Variants in TTN observed in about 807,000 individuals in gnomAD.
The protein encoded by TTN is connectin.
TTN carries 1,525 observed loss-of-function variants against 3,223.0 expected under a neutral mutation model. That is an observed-to-expected ratio of 0.47 (90% confidence interval 0.45 to 0.49). The LOEUF (loss-of-function observed/expected upper bound fraction) is 0.49, where lower values mean the gene tolerates loss of function less well. Among genes scored for constraint, TTN ranks in the 20% least tolerant of loss-of-function variants. The pLI is 0.00. For synonymous variants in TTN, 14,094 were observed against 15,161.0 expected, an observed-to-expected ratio of 0.93 and a Z score of 5.17; for missense variants, 40,786 against 43,424.0, an observed-to-expected ratio of 0.94 and a Z score of 5.40.
Position 178,715,694 on chromosome 2 carries a change from C to T in TTN, c.25720G>A (p.Gly8574Ser), listed in dbSNP as rs752013701. 5.6e-6 allele frequency: 9 copies of T among 1,609,772 alleles called. No individual in the cohort carries two copies. The African/African-American group carries it at 6.7e-5, about 12-fold the overall frequency. Reference protein sequence around the residue: ...DEFTRYECKIGGSPEIKVLWY... With the variant: ...DEFTRYECKISGSPEIKVLWY... ...AAAACTTTGATTTCTGGAGACCCAC[C>T]GATTTTGCATTCATACCTTGTGAAT... Residue 8574 changes from glycine (G) to serine (S), a missense_variant, in exon 89 of 363, where the codon GGT (glycine) becomes AGT (serine). Physicochemically the swap from Gly to Ser is moderately conservative, Grantham distance 56. Transcript: ENST00000589042.
At chr2:178,786,340 T>C (rs563438368) in intron 13 of TTN, among the ~76,000 whole-genome samples, 199 bp from the exon 14 acceptor site, 3 of 152,196 alleles carry the variant, frequency 2.0e-5, no homozygotes, top group Non-Finnish European at 2.9e-5. Context: ...ATACTCTCTG[T>C]ACACCTACTT....
Position 178,541,363 on chromosome 2 carries a change from G to A in TTN, c.97714C>T (p.His32572Tyr). Residue 32572 changes from histidine to tyrosine, a missense_variant, in exon 350 of 363, where the codon CAC becomes TAC. Physicochemically the swap from His to Tyr is moderately conservative, Grantham distance 83 (BLOSUM62 2). Transcript: ENST00000589042. ...CTTGCATTAATGGCTGTGACACGGT[G>A]TTCATATTCTAAGCCTTCAGTAAGG... is the stretch of plus-strand genomic sequence containing the variant. ...TGLTEGLEYE[H>Y]RVTAINARGS... 6.2e-7 allele frequency: 1 copy of A among 1,602,026 alleles called. No homozygotes were observed. The highest frequency in any genetic ancestry group is 1.1e-5 in the South Asian group (1 of 88,994).
Position 178,629,496 on chromosome 2 carries a change from GAATA to G in TTN, c.44282-57_44282-54del, listed in dbSNP as rs1013569859. On this transcript the variant is annotated intron_variant, in intron 239 of 362. Coordinates refer to ENST00000589042, the MANE Select transcript of TTN (RefSeq NM_001267550.2). ...CGTTACTCATTTTGTAATCCCAAAA[GAATA>G]AATAGAGACTTAGATATGAATCTTC... The G allele has an allele frequency of 5.6e-6, 9 of 1,607,094 alleles. No individual in the cohort carries two copies. In the African/African-American group the frequency reaches 6.7e-5, roughly 12 times the overall value.
Position 178,573,387 on chromosome 2 carries a change from C to G in TTN, c.72745G>C (p.Asp24249His). 2.6e-6 allele frequency: 4 copies of G among 1,524,520 alleles called. No individual in the cohort carries two copies. Among genetic ancestry groups the G allele is most frequent in the Non-Finnish European group, 3.5e-6 (4 of 1,137,430 alleles). 94.4% of individuals were successfully genotyped at this position (1,524,520 alleles called of 1,614,324 possible). Residue 24249 changes from aspartate to histidine, a missense_variant, in exon 326 of 363, where the codon GAT becomes CAT. By Grantham distance (81) the Asp-to-His change is moderately conservative. Transcript: ENST00000589042. ...MVVCWGHPDS[D>H]GGSEIINYIV... The stretch of plus-strand genomic sequence containing the variant: ...TAATTGATGATTTCACTTCCACCAT[C>G]AGAATCAGGATGTCCCCAGCAGACA...
Position 178,720,145 on chromosome 2 carries a change from CTCTA to C in TTN, c.23493_23496del (p.Asp7831GlufsTer45). On this transcript the variant is annotated frameshift_variant, in exon 81 of 363. Transcript: ENST00000589042. LOFTEE classifies it high-confidence loss of function. ...TTTTCACTCTCTCTGATGACTTCAC[CTCTA>C]TCTTTCAGCCAGACAACAGAAATTG... 1 of 1,613,754 alleles carries C rather than the reference CTCTA, an allele frequency of 6.2e-7. No homozygotes were observed. Among genetic ancestry groups the C allele is most frequent in the Non-Finnish European group, 8.5e-7 (1 of 1,179,714 alleles).
chr2:178,704,530 C>G lies in TTN; in HGVS notation c.29942G>C (p.Ser9981Thr). ...CTTACCAATTACAGTTAGTTTAGCG[C>G]TAGCGATGTGTGGACCACAAACCAA... ...YRLVCGPHIA[S>T]AKLTVIEPAW... Residue 9981 changes from serine to threonine, a missense_variant, in exon 105 of 363, where the codon AGC (serine) becomes ACC (threonine). Coordinates refer to ENST00000589042, the MANE Select transcript of TTN (RefSeq NM_001267550.2). The G allele has an allele frequency of 6.2e-7, 1 of 1,610,852 alleles. No individual in the cohort carries two copies. The highest frequency in any genetic ancestry group is 1.3e-5 in the African/African-American group (1 of 74,884).
rs2046893409 is a variant in TTN, at chr2:178,578,254, A to G, written c.68330-69T>C. The G allele has an allele frequency of 3.0e-6, 4 of 1,319,378 alleles. No individual in the cohort carries two copies. In the Admixed American group the frequency reaches 8.6e-5, roughly 28 times the overall value. The allele number at this position is 1,319,378 out of a possible 1,614,324, so 81.7% of individuals were successfully genotyped here. ...TTTTACAATATATATGTGTTGCCCA[A>G]ATTATTTATACATATCCATATATAT... On this transcript the variant is annotated intron_variant, in intron 321 of 362. Transcript: ENST00000589042.
rs1560086892 is a variant in TTN, at chr2:178,650,214, T to A, written c.39767A>T (p.Lys13256Met). 2 of 1,597,468 alleles carry A rather than the reference T, an allele frequency of 1.3e-6. No homozygotes were observed. ...CTCCTCTTCTGCAACAGGAACTGGC[T>A]TTTCCTCTTCAGGAGCAATTTCCTC... is the stretch of plus-strand genomic sequence containing the variant. ...PEEEIAPEEE[K>M]PVPVAEEEEP... The change falls in exon 210 of 363, where the codon AAG becomes ATG. Residue 13256 changes from lysine to methionine, a missense_variant. Lys to Met is a moderately conservative substitution (Grantham distance 95). Transcript: ENST00000589042.
chr2:178,595,886 G>A (rs2051438170), intron 294 of TTN, 77 bp from the exon 295 acceptor site: 2 of 1,413,942 alleles, frequency 1.4e-6, no homozygotes, highest in African/African-American at 1.5e-5. Context: ...TTTTTAAAAG[G>A]AGACAAAAAT....
intron 282 of TTN, among the ~76,000 whole-genome samples, chr2:178,603,405 T>C (rs954061115): frequency 4.6e-5 from 7 of 152,020 alleles, no homozygotes; most frequent in African/African-American, 9.7e-5. Context: ...AATTTTTCTC[T>C]CTTATTTGAC....
chr2:178,803,477 AG>A (rs2094164145), intron 2 of TTN, among the ~76,000 whole-genome samples: 1 of 151,772 alleles, frequency 6.6e-6, no homozygotes, highest in Non-Finnish European at 1.5e-5. Context: ...ACCAATGAAA[AG>A]GGAATTTCAT....
intron 13 of TTN, among the ~76,000 whole-genome samples, chr2:178,787,964 G>C (rs11887915): frequency 0.016 from 2,493 of 152,116 alleles, 69 homozygotes; most frequent in East Asian, 0.13. Context: ...AAATTTAGGA[G>C]ACATAAAGAA....
rs200193877 is a variant in TTN at position 178,554,139 on chromosome 2, T to C, written c.88972A>G (p.Ile29658Val). The change falls in exon 333 of 363, where the codon ATT (isoleucine) becomes GTT (valine). Residue 29658 changes from isoleucine to valine, a missense_variant. Ile to Val is a conservative substitution (Grantham distance 29, BLOSUM62 3). Coordinates refer to ENST00000589042, the MANE Select transcript of TTN (RefSeq NM_001267550.2). ...NSMTVVWSRP[I>V]ADGGSDISGY... ...CTTATATCACTACCGCCATCTGCAA[T>C]TGGCCTGCTCCATACAACAGTCATC... The C allele has an allele frequency of 4.6e-4, 740 of 1,613,870 alleles. 1 individual carries two copies. Among genetic ancestry groups the C allele is most frequent in the Non-Finnish European group, 5.7e-4 (671 of 1,179,814 alleles).
At chr2:178,720,299 G>T (rs770558512) in intron 80 of TTN, 35 bp from the exon 81 acceptor site, 9 of 1,596,772 alleles carry the variant, frequency 5.6e-6, no homozygotes, top group Non-Finnish European at 6.8e-6. Flanking sequence ...AGGAAAAAAT[G>T]TGAGAATCAT....
rs2092025923 is a variant in TTN, at chr2:178,774,925, A to G, written c.6786T>C (p.Val2262=). ...ENVKTTAKLI[V]EGAVVEFVKE... is the part of the protein sequence containing the mutation. Reference sequence around the variant, plus strand: ...AAATCCTTCGTTGTTGAATACCTTCAACAATAAGTTTAGCAGTCGTTTTGA... The same window carrying G: ...AAATCCTTCGTTGTTGAATACCTTCGACAATAAGTTTAGCAGTCGTTTTGA... Residue 2262 remains valine, a synonymous_variant, in exon 29 of 363, where the codon GTT becomes GTC. Coordinates refer to ENST00000589042, the MANE Select transcript of TTN (RefSeq NM_001267550.2). 1 of 1,613,534 alleles carries G rather than the reference A, an allele frequency of 6.2e-7. No individual in the cohort carries two copies. Among genetic ancestry groups the G allele is most frequent in the Non-Finnish European group, 8.5e-7 (1 of 1,179,838 alleles).
intron 162 of TTN, 126 bp from the exon 163 acceptor site, chr2:178,667,027 C>T (rs1442078199): frequency 2.5e-5 from 24 of 946,496 alleles, no homozygotes; most frequent in Non-Finnish European, 3.5e-5. Context: ...TATTTTTGTT[C>T]TAATATTTTA....
chr2:178,642,009 A>G (rs1471963422), intron 219 of TTN, among the ~76,000 whole-genome samples: 1 of 151,740 alleles, frequency 6.6e-6, no homozygotes, highest in African/African-American at 2.4e-5. Context: ...GTCTATTAAC[A>G]TTTTAAATTT....
intron 159 of TTN, 100 bp from the exon 160 acceptor site, chr2:178,667,821 A>G: frequency 2.3e-6 from 2 of 859,386 alleles, no homozygotes; most frequent in South Asian, 3.8e-5. Flanking sequence ...CATCACCAAA[A>G]TTAATAGTAG....
Position 178,576,668 on chromosome 2 carries a change from T to C in TTN, c.69576A>G (p.Thr23192=), listed in dbSNP as rs1237171953. The change falls in exon 325 of 363, where the codon ACA becomes ACG. Residue 23192 remains threonine, a synonymous_variant. Transcript: ENST00000589042. This position sits in a 1 kb window ranked among gnomAD's most constrained non-coding sequence, Gnocchi z 4.3. ...KSLRWVRAIK[T]PVSDLRCKVT... The stretch of plus-strand genomic sequence containing the variant: ...CTTTGCACCTGAGATCGGAAACTGG[T>C]GTTTTTATTGCTCTCACCCATCGCA... 1 of 1,613,464 alleles carries C rather than the reference T, an allele frequency of 6.2e-7. No individual in the cohort carries two copies. The highest frequency in any genetic ancestry group is 8.5e-7 in the Non-Finnish European group (1 of 1,179,644).
Sources: gnomAD v4.1 joint callset for allele counts (sites outside exome capture counted in the v4.1 genomes callset) on GRCh38, gnomAD v4.1.1 for gene constraint, Gnocchi (gnomAD v3.1) non-coding constraint, MANE v1.5 for transcripts, NCBI Gene and HGNC (gene_info 2026-07-23, HGNC 2026-07-21) for gene names.